RNF43: variants seen among roughly 807,000 people sequenced by gnomAD.
RNF43 encodes E3 ubiquitin-protein ligase RNF43.
A neutral mutation model predicts 78.4 loss-of-function variants in RNF43; 37 were observed. That is an observed-to-expected ratio of 0.47 (90% CI 0.36 to 0.62). RNF43 has a LOEUF of 0.62. Among genes scored for constraint, RNF43 ranks in the 20% least tolerant of loss-of-function variants. The pLI is 0.00. For synonymous variants in RNF43, 347 were observed against 395.0 expected, an observed-to-expected ratio of 0.88 and a Z score of 1.44; for missense variants, 774 against 1,007.9, an observed-to-expected ratio of 0.77 and a Z score of 3.14.
intron 2 of RNF43, among the ~76,000 whole-genome samples, chr17:58,381,493 AT>A (rs1283540496): frequency 2.0e-5 from 3 of 152,202 alleles, no homozygotes; most frequent in African/African-American, 7.2e-5. Context: ...AGGAGAGTGG[AT>A]TTTTATTCCC....
intron 2 of RNF43, among the ~76,000 whole-genome samples, chr17:58,374,191 G>GA (rs34851565): frequency 0.45 from 66,899 of 150,072 alleles, 15,405 homozygotes; most frequent in African/African-American, 0.58. Context: ...GTAGAGATTA[G>GA]AAAAAAAAAG....
At position 58,356,899 on chromosome 17, in the gene RNF43, T is replaced by G. The variant is rs540818841; in HGVS notation, c.2308+569A>C. 2.1e-3 allele frequency: 446 copies of G among 207,672 alleles called. 4 individuals carry two copies. Among genetic ancestry groups the G allele is most frequent in the African/African-American group, 8.7e-3 (360 of 41,248 alleles). The allele number at this position is 207,672 out of a possible 1,614,324, so 12.9% of individuals were successfully genotyped here. On this transcript the variant is annotated intron_variant, in intron 9 of 9. Transcript: ENST00000407977. ...TTCCAAATGCCTCTTTTTTTTTTTTTTTTTTTTTTTTTGAGATGGAGTCTC... is the reference window on the plus strand; with the variant it reads ...TTCCAAATGCCTCTTTTTTTTTTTTGTTTTTTTTTTTTGAGATGGAGTCTC...
At chr17:58,407,684 A>G (rs896544087) in intron 2 of RNF43, among the ~76,000 whole-genome samples, 3 of 152,222 alleles carry the variant, frequency 2.0e-5, no homozygotes, top group Admixed American at 2.0e-4. Flanking sequence ...AAAGTTTTCC[A>G]TTAGAGCAAA....
At chr17:58,413,847 G>A (rs913158875) in intron 2 of RNF43, among the ~76,000 whole-genome samples, 2 of 152,092 alleles carry the variant, frequency 1.3e-5, no homozygotes, top group Non-Finnish European at 2.9e-5. Flanking sequence ...TTATCAATAA[G>A]GCACGTATGG....
At chr17:58,387,596 G>A (rs1368792505) in intron 2 of RNF43, among the ~76,000 whole-genome samples, 1 of 151,868 alleles carries the variant, frequency 6.6e-6, no homozygotes, top group Non-Finnish European at 1.5e-5. Context: ...GGAGGCAGAG[G>A]TTGCAGTGAG....
At chr17:58,392,853 G>A (rs954311922) in intron 2 of RNF43, among the ~76,000 whole-genome samples, 6 of 152,210 alleles carry the variant, frequency 3.9e-5, no homozygotes, top group Non-Finnish European at 8.8e-5. Flanking sequence ...TGGAGCAGCT[G>A]GTGACCCACC....
rs1293420643 is a variant in RNF43 at position 58,358,018 on chromosome 17, C to T, written c.1758G>A (p.Gln586=). ...PQSRPPIPRT[Q]PQPEPPSPDQ... is the part of the protein sequence containing the mutation. ...CAGGAGAAGGTGGCTCTGGCTGGGG[C>T]TGTGTCCGAGGAATAGGAGGCCTGG... is the stretch of plus-strand genomic sequence containing the variant. Residue 586 remains glutamine (Q), a synonymous_variant, in exon 9 of 10, where the codon CAG becomes CAA. Coordinates refer to ENST00000407977, the MANE Select transcript of RNF43 (RefSeq NM_017763.6). This position sits in a 1 kb window ranked among gnomAD's most constrained non-coding sequence, Gnocchi z 6.2. 2 of 1,595,082 alleles carry T rather than the reference C, an allele frequency of 1.3e-6. No individual in the cohort carries two copies. Among genetic ancestry groups the T allele is most frequent in the Admixed American group, 1.7e-5 (1 of 57,232 alleles).
intron 3 of RNF43, among the ~76,000 whole-genome samples, chr17:58,367,136 G>T (rs1389911344): frequency 6.6e-6 from 1 of 152,012 alleles, no homozygotes; most frequent in Non-Finnish European, 1.5e-5. Flanking sequence ...CAGTAGCTGG[G>T]ACTACAGGTG....
At chr17:58,378,623 T>C (rs1181329482) in intron 2 of RNF43, among the ~76,000 whole-genome samples, 1 of 152,152 alleles carries the variant, frequency 6.6e-6, no homozygotes, top group Non-Finnish European at 1.5e-5. Flanking sequence ...AAGTAAATAA[T>C]GTTGGTGGGG....
chr17:58,392,117 T>C (rs1973572868), intron 2 of RNF43, among the ~76,000 whole-genome samples: 2 of 152,166 alleles, frequency 1.3e-5, no homozygotes, highest in Non-Finnish European at 2.9e-5. Context: ...GGGAGGAAAG[T>C]ATATTTTCCC....
At chr17:58,405,775 T>C (rs1027384496) in intron 2 of RNF43, among the ~76,000 whole-genome samples, 3 of 146,282 alleles carry the variant, frequency 2.1e-5, no homozygotes, top group African/African-American at 7.4e-5. Context: ...AAAGAGAAAA[T>C]AAATAAATCA....
intron 2 of RNF43, among the ~76,000 whole-genome samples, chr17:58,374,422 T>G (rs1973162853): frequency 6.6e-6 from 1 of 150,408 alleles, no homozygotes; most frequent in Non-Finnish European, 1.5e-5. Context: ...AGACAGAGTC[T>G]CGCTGTGTCA....
intron 2 of RNF43, among the ~76,000 whole-genome samples, chr17:58,388,652 G>A (rs1056446775): frequency 6.6e-6 from 1 of 152,196 alleles, no homozygotes; most frequent in Non-Finnish European, 1.5e-5. Flanking sequence ...AAACGACATT[G>A]TATCAAAGGC....
chr17:58,396,939 C>T (rs1973694067), intron 2 of RNF43, among the ~76,000 whole-genome samples: 1 of 151,932 alleles, frequency 6.6e-6, no homozygotes, highest in African/African-American at 2.4e-5. Flanking sequence ...CAATCTTCAA[C>T]TTCAATTTCC....
At chr17:58,398,856 C>G (rs1973737809) in intron 2 of RNF43, among the ~76,000 whole-genome samples, 1 of 152,206 alleles carries the variant, frequency 6.6e-6, no homozygotes, top group Non-Finnish European at 1.5e-5. Context: ...CCTTGTCTTT[C>G]TTTCAAAGAG....
chr17:58,413,913 A>C (rs1478693190), intron 2 of RNF43, among the ~76,000 whole-genome samples: 4 of 152,210 alleles, frequency 2.6e-5, no homozygotes, highest in Non-Finnish European at 5.9e-5. Context: ...TTACGGTCCT[A>C]AAATGGAGCA....
In RNF43 at chr17:58,363,505, C is replaced by A. The variant is rs376504970; in HGVS notation, c.450+21G>T. 14 of 1,610,866 alleles carry A rather than the reference C, an allele frequency of 8.7e-6. No individual in the cohort carries two copies. Among genetic ancestry groups the A allele is most frequent in the South Asian group, 2.2e-5 (2 of 90,874 alleles). On this transcript the variant is annotated intron_variant, in intron 4 of 9. Coordinates refer to ENST00000407977, the MANE Select transcript of RNF43 (RefSeq NM_017763.6). ...TCCTCCATCCAGCCCCCACCTTGAA[C>A]ACGCAAATGTCCCTGGGTACCTGCT...
intron 2 of RNF43, among the ~76,000 whole-genome samples, chr17:58,381,144 C>T (rs1464694741): frequency 6.6e-6 from 1 of 152,156 alleles, no homozygotes; most frequent in Non-Finnish European, 1.5e-5. Flanking sequence ...AATAAAGGAT[C>T]ATAGGGGTAG....
rs1442522906 is a variant in RNF43, at chr17:58,358,703, A to G, written c.1073T>C (p.Leu358Pro). 7.8e-6 allele frequency: 12 copies of G among 1,544,814 alleles called. No homozygotes were observed. The highest frequency in any genetic ancestry group is 1.4e-5 in the African/African-American group (1 of 73,044). Residue 358 changes from leucine (L) to proline (P), a missense_variant, in exon 9 of 10, where the codon CTG becomes CCG. Leu to Pro is a moderately conservative substitution (Grantham distance 98). Transcript: ENST00000407977. This position sits in a 1 kb window ranked among gnomAD's most constrained non-coding sequence, Gnocchi z 6.2. Reference protein sequence around the residue: ...HAHYHLPAAYLLGPSRSAVAR... With the variant: ...HAHYHLPAAYPLGPSRSAVAR... ...CACTGCACTCCGGGAAGGGCCCAAC[A>G]GGTAGGCAGCAGGGAGGTGGTAGTG...
Sources: allele counts gnomAD v4.1 joint callset (sites outside exome capture counted in the v4.1 genomes callset), GRCh38; gene constraint gnomAD v4.1.1; non-coding constraint Gnocchi (gnomAD v3.1); transcripts MANE v1.5; gene names NCBI Gene and HGNC (gene_info 2026-07-23, HGNC 2026-07-21).